Variants in SLC16A14 observed in about 807,000 individuals in gnomAD.
SLC16A14 encodes monocarboxylate transporter 14.
In SLC16A14, 14 loss-of-function variants were observed where a neutral mutation model predicts 35.8. That is an observed-to-expected ratio of 0.39 (90% CI 0.26 to 0.61). The LOEUF (loss-of-function observed/expected upper bound fraction) is 0.61. Among genes scored for constraint, SLC16A14 ranks in the 20% least tolerant of loss-of-function variants. SLC16A14 has a pLI of 0.51. For synonymous variants in SLC16A14, 248 were observed against 258.9 expected (o/e 0.96, Z 0.40); for missense variants, 533 against 655.0 (o/e 0.81, Z 2.03).
intron 3 of SLC16A14, among the ~76,000 whole-genome samples, chr2:230,048,442 T>C (rs1442431009): frequency 6.6e-6 from 1 of 152,250 alleles, no homozygotes; most frequent in African/African-American, 2.4e-5. Context: ...TCACACTACC[T>C]GCTGATAAAG....
rs182973353 is a variant in SLC16A14, at chr2:230,063,843, G to A, written c.-14-4477C>T. On this transcript the variant is annotated intron_variant, in intron 1 of 4. Transcript: ENST00000295190. ...ATGCCAGGTGTGGTGGCTCATGCCTGTAATCCCAGCAATCTGGGAGGCTGA... is the reference window on the plus strand; with the variant it reads ...ATGCCAGGTGTGGTGGCTCATGCCTATAATCCCAGCAATCTGGGAGGCTGA... 1.6e-3 allele frequency among the ~76,000 whole-genome samples: 245 copies of A among 152,212 alleles called. 2 individuals are homozygous for A. Among genetic ancestry groups the A allele is most frequent in the African/African-American group, 5.7e-3 (235 of 41,538 alleles).
At chr2:230,054,084 G>GGA (rs375428674) in intron 2 of SLC16A14, among the ~76,000 whole-genome samples, 953 of 52,314 alleles carry the variant, frequency 0.018, 15 homozygotes, top group African/African-American at 0.042. Context: ...TGCAGCCTGA[G>GGA]GTGGGGGGGG....
chr2:230,046,322 G>A lies in SLC16A14; in HGVS notation c.804C>T (p.Pro268=), dbSNP rs763418547. The change falls in exon 4 of 5, where the codon CCC becomes CCT. Residue 268 remains proline (P), a synonymous_variant. Coordinates refer to ENST00000295190, the MANE Select transcript of SLC16A14 (RefSeq NM_152527.5). The surrounding 1 kb of genome is among the most constrained non-coding windows in gnomAD (Gnocchi z 5.0). ...TGTTCTTCCTGTGCCCGGCCTGATCGGGGCACTCCTGGGCTTGCAGGTCGC... is the reference window on the plus strand; with the variant it reads ...TGTTCTTCCTGTGCCCGGCCTGATCAGGGCACTCCTGGGCTTGCAGGTCGC... The part of the protein sequence containing the change: ...TLCDLQAQEC[P]DQAGHRKNMC... The A allele has an allele frequency of 1.2e-5, 20 of 1,613,964 alleles. No individual in the cohort carries two copies. The highest frequency in any genetic ancestry group is 5.3e-5 in the African/African-American group (4 of 74,926).
At chr2:230,047,857 C>T (rs1358392031) in intron 3 of SLC16A14, among the ~76,000 whole-genome samples, 2 of 152,034 alleles carry the variant, frequency 1.3e-5, no homozygotes, top group African/African-American at 4.8e-5. Context: ...TTGTCAATTA[C>T]GACTAAAATA....
Position 230,059,260 on chromosome 2 carries a change from TC to T in SLC16A14, c.92del (p.Gly31AspfsTer5). 2.5e-6 allele frequency: 4 copies of T among 1,614,112 alleles called. No homozygotes were observed. Among genetic ancestry groups the T allele is most frequent in the Non-Finnish European group, 3.4e-6 (4 of 1,179,972 alleles). On this transcript the variant is annotated frameshift_variant, in exon 2 of 5. Coordinates refer to ENST00000295190, the MANE Select transcript of SLC16A14 (RefSeq NM_152527.5). LOFTEE classifies it high-confidence loss of function. ...TLKPHPNIDG[G>X]WAWMMVLSSF... The stretch of plus-strand genomic sequence containing the variant: ...AGGAGAGCACCATCATCCAAGCCCA[TC>T]CGCCATCAATGTTTGGGTGGGGCTT...
intron 4 of SLC16A14, among the ~76,000 whole-genome samples, chr2:230,043,810 C>T (rs1351655217): frequency 6.6e-6 from 1 of 152,248 alleles, no homozygotes; most frequent in Admixed American, 6.5e-5. Flanking sequence ...TGTCTTGGGG[C>T]ATGAGTCTAT....
intron 1 of SLC16A14, 69 bp from the exon 2 acceptor site, chr2:230,059,435 G>T (rs1354410815): frequency 8.2e-7 from 1 of 1,221,470 alleles, no homozygotes; most frequent in Non-Finnish European, 1.1e-6. Context: ...TCTTTGTGCA[G>T]CTCTACCTCC....
chr2:230,054,540 T>G (rs2077689830), intron 2 of SLC16A14, among the ~76,000 whole-genome samples: 1 of 152,174 alleles, frequency 6.6e-6, no homozygotes, highest in Non-Finnish European at 1.5e-5. Context: ...CCCTTTCTCC[T>G]CCAGCCCCCT....
At chr2:230,063,323 T>C (rs902847074) in intron 1 of SLC16A14, among the ~76,000 whole-genome samples, 7 of 147,642 alleles carry the variant, frequency 4.7e-5, no homozygotes, top group Non-Finnish European at 7.4e-5. Context: ...AGCCAATTTC[T>C]TCAGCCCTTC....
At chr2:230,040,372 G>A (rs540720225) in intron 4 of SLC16A14, among the ~76,000 whole-genome samples, 282 of 151,902 alleles carry the variant, frequency 1.9e-3, no homozygotes, top group Non-Finnish European at 3.1e-3. Context: ...GGCGGCATGC[G>A]CCACCACACC....
Position 230,046,439 on chromosome 2 carries a change from C to G in SLC16A14, c.687G>C (p.Leu229=). ...NDPGEKDVRG[L]PAHSTESVKS... is the part of the protein sequence containing the mutation. ...TCACAGATTCTGTGGAGTGCGCTGG[C>G]AGGCCACGCACATCTTTCTCTCCTG... Residue 229 remains leucine (L), a synonymous_variant, in exon 4 of 5, where the codon CTG becomes CTC. Transcript: ENST00000295190. This position sits in a 1 kb window ranked among gnomAD's most constrained non-coding sequence, Gnocchi z 5.0. 6.2e-7 allele frequency: 1 copy of G among 1,614,218 alleles called. No individual in the cohort carries two copies. Among genetic ancestry groups the G allele is most frequent in the South Asian group, 1.1e-5 (1 of 91,092 alleles).
intron 2 of SLC16A14, among the ~76,000 whole-genome samples, chr2:230,052,272 A>G (rs2077667775): frequency 1.3e-5 from 2 of 152,218 alleles, no homozygotes; most frequent in Non-Finnish European, 2.9e-5. Flanking sequence ...GTTATTAAAT[A>G]TGCACATTAT....
Position 230,037,487 on chromosome 2 carries a change from T to C in SLC16A14, c.1426A>G (p.Ile476Val), listed in dbSNP as rs1490502355. The change falls in exon 5 of 5, where the codon ATA (isoleucine) becomes GTA (valine). Residue 476 changes from isoleucine (I) to valine (V), a missense_variant. By Grantham distance (29) the Ile-to-Val change is conservative. Coordinates refer to ENST00000295190, the MANE Select transcript of SLC16A14 (RefSeq NM_152527.5). ...ITQKYDFSFYICGLLYMIGIL... is the reference protein window; with the variant it reads ...ITQKYDFSFYVCGLLYMIGIL... ...CCTATCATGTAAAGCAAACCACATATGTAGAAGGAAAAATCATATTTTTGC... is the reference window on the plus strand; with the variant it reads ...CCTATCATGTAAAGCAAACCACATACGTAGAAGGAAAAATCATATTTTTGC... 1.4e-5 allele frequency: 23 copies of C among 1,610,770 alleles called. No homozygotes were observed. The highest frequency in any genetic ancestry group is 1.8e-5 in the Non-Finnish European group (21 of 1,179,326).
chr2:230,059,689 A>G (rs2077735992), intron 1 of SLC16A14, among the ~76,000 whole-genome samples: 1 of 152,244 alleles, frequency 6.6e-6, no homozygotes, highest in Non-Finnish European at 1.5e-5. Context: ...GACCCCAGTT[A>G]GTCCTGACTC....
chr2:230,053,322 C>T (rs1045055833), intron 2 of SLC16A14, among the ~76,000 whole-genome samples: 2 of 152,156 alleles, frequency 1.3e-5, no homozygotes, highest in Admixed American at 6.6e-5. Context: ...TAAAAGAAGT[C>T]CCCTCACAAT....
rs373475156 is a variant in SLC16A14 at position 230,045,922 on chromosome 2, T to C, written c.1204A>G (p.Met402Val). 16 of 1,612,328 alleles carry C rather than the reference T, an allele frequency of 9.9e-6. No individual in the cohort carries two copies. Among genetic ancestry groups the C allele is most frequent in the Non-Finnish European group, 1.3e-5 (15 of 1,178,446 alleles). The part of the protein sequence containing the change: ...LVLSIFILPL[M>V]HTYAGLAVIC... ...ACCGCCAGGCCAGCGTACGTGTGCA[T>C]CAACGGCAGAATAAAAATACTGAGG... The change falls in exon 4 of 5, where the codon ATG becomes GTG. Residue 402 changes from methionine to valine, a missense_variant. Transcript: ENST00000295190.
intron 2 of SLC16A14, among the ~76,000 whole-genome samples, chr2:230,054,081 T>TGAG (rs1553820314): frequency 6.0e-4 from 49 of 82,156 alleles, no homozygotes; most frequent in African/African-American, 1.8e-3. Flanking sequence ...AGGTGCAGCC[T>TGAG]GAGGTGGGGG....
In SLC16A14 at chr2:230,046,733, CGA is replaced by C; in HGVS notation, c.404-13_404-12del. The C allele has an allele frequency of 6.3e-7, 1 of 1,578,642 alleles. No homozygotes were observed. Among genetic ancestry groups the C allele is most frequent in the Non-Finnish European group, 8.6e-7 (1 of 1,168,078 alleles). On this transcript the variant is annotated splice_polypyrimidine_tract_variant and intron_variant, in intron 3 of 4. Coordinates refer to ENST00000295190, the MANE Select transcript of SLC16A14 (RefSeq NM_152527.5). The surrounding 1 kb of genome is among the most constrained non-coding windows in gnomAD (Gnocchi z 5.0). ...TCCCGCTGCCCAGGCCTGTACAGGC[CGA>C]CGGGGGGAAGAAAAGACACAGTGCA... is the stretch of plus-strand genomic sequence containing the variant.
chr2:230,062,790 GATC>G (rs1560482716), intron 1 of SLC16A14, among the ~76,000 whole-genome samples: 1 of 152,100 alleles, frequency 6.6e-6, no homozygotes, highest in African/African-American at 2.4e-5. Context: ...TCTGTCTGGG[GATC>G]ATCTTCTTTC....
Sources: gnomAD v4.1 joint callset for allele counts (sites outside exome capture counted in the v4.1 genomes callset) on GRCh38, gnomAD v4.1.1 for gene constraint, Gnocchi (gnomAD v3.1) non-coding constraint, MANE v1.5 for transcripts, NCBI Gene and HGNC (gene_info 2026-07-23, HGNC 2026-07-21) for gene names.